Variants in ABHD2 observed in about 807,000 individuals in gnomAD.
ABHD2 encodes monoacylglycerol lipase ABHD2.
A neutral mutation model predicts 48.1 loss-of-function variants in ABHD2; 20 were observed. The observed-to-expected ratio is 0.42, with a 90% CI of 0.29 to 0.60. ABHD2 has a LOEUF of 0.60. Among genes scored for constraint, ABHD2 ranks in the 20% least tolerant of loss-of-function variants. ABHD2 has a pLI of 0.24. For missense variants in ABHD2, 405 were observed against 550.9 expected (o/e 0.74, Z 2.65); for synonymous variants, 209 against 214.2 (o/e 0.98, Z 0.21).
chr15:89,066,055 A>G, the ABHD2 span, among the ~76,000 whole-genome samples: 1 of 152,182 alleles, frequency 6.6e-6, no homozygotes, highest in Non-Finnish European at 1.5e-5. Context: ...AGGTGTGTGC[A>G]TCACTAAAAT....
chr15:89,050,949 T>C, the ABHD2 span, among the ~76,000 whole-genome samples: 1 of 151,116 alleles, frequency 6.6e-6, no homozygotes, highest in African/African-American at 2.4e-5. Flanking sequence ...AAAAAAAAAA[T>C]AGGCCAGGCA....
intron 1 of ABHD2, among the ~76,000 whole-genome samples, chr15:89,113,111 T>G (rs1057472252): frequency 6.6e-6 from 1 of 152,138 alleles, no homozygotes; most frequent in African/African-American, 2.4e-5. Flanking sequence ...TCAGCTCAGG[T>G]CCCCCATCTG....
chr15:89,174,524 A>T lies in ABHD2; in HGVS notation c.539-1288A>T, dbSNP rs2050979957. Among the ~76,000 whole-genome samples the T allele has an allele frequency of 6.6e-6, 1 of 152,180 alleles. No homozygotes were observed. The highest frequency in any genetic ancestry group is 2.4e-5 in the African/African-American group (1 of 41,450). ...TTAGGCTACATCCTACCACAAAAGA[A>T]GACAGATATAAGGGGAGTTTACCCC... On this transcript the variant is annotated intron_variant, in intron 5 of 10. Transcript: ENST00000352732. This position sits in a 1 kb window ranked among gnomAD's most constrained non-coding sequence, Gnocchi z 4.1.
the ABHD2 span, among the ~76,000 whole-genome samples, chr15:89,051,803 T>G: frequency 2.5e-4 from 38 of 152,308 alleles, 1 homozygote; most frequent in South Asian, 7.9e-3. Context: ...CAATTAAACC[T>G]CTTTCCTTTA....
chr15:89,158,174 C>T (rs2050705060), intron 5 of ABHD2, among the ~76,000 whole-genome samples: 1 of 152,154 alleles, frequency 6.6e-6, no homozygotes, highest in Non-Finnish European at 1.5e-5. Context: ...CATGTAGGCA[C>T]AATCTCTTTT....
In ABHD2 at chr15:89,165,772, A is replaced by G. The variant is rs1217305455; in HGVS notation, c.539-10040A>G. On this transcript the variant is annotated intron_variant, in intron 5 of 10. Transcript: ENST00000352732. ...TAATCGAGGCACTGCAGCAGTAGAC[A>G]TGTTGGCTTACTCTTTATTGACTTA... 2.0e-5 allele frequency among the ~76,000 whole-genome samples: 3 copies of G among 152,214 alleles called. No individual in the cohort carries two copies. The East Asian group carries it at 5.8e-4, about 29-fold the overall frequency.
In ABHD2 at chr15:89,186,808, G is replaced by T. The variant is rs1434630423; in HGVS notation, c.815+1292G>T. On this transcript the variant is annotated intron_variant, in intron 7 of 10. Coordinates refer to ENST00000352732, the MANE Select transcript of ABHD2 (RefSeq NM_152924.5). The surrounding 1 kb of genome is among the most constrained non-coding windows in gnomAD (Gnocchi z 4.3). ...ATTTCTTGTTCTCTTTTTTCCAGTG[G>T]CTAAAGCAGACCACACACCCCAGAT... Among the ~76,000 whole-genome samples, 1 of 152,144 alleles carries T rather than the reference G, an allele frequency of 6.6e-6. No individual in the cohort carries two copies. The highest frequency in any genetic ancestry group is 1.5e-5 in the Non-Finnish European group (1 of 68,026).
intron 1 of ABHD2, among the ~76,000 whole-genome samples, chr15:89,105,088 G>T (rs1234541789): frequency 6.6e-6 from 1 of 152,204 alleles, no homozygotes. Context: ...TGGATTCATG[G>T]TTTCTCAGTG....
intron 10 of ABHD2, among the ~76,000 whole-genome samples, chr15:89,193,924 A>C (rs1274847377): frequency 6.7e-6 from 1 of 150,304 alleles, no homozygotes; most frequent in African/African-American, 2.4e-5. Flanking sequence ...CCGTCTCAAA[A>C]AAAAAAAAAA....
the ABHD2 span, among the ~76,000 whole-genome samples, chr15:89,066,351 G>T: frequency 2.6e-5 from 4 of 152,080 alleles, no homozygotes; most frequent in Non-Finnish European, 5.9e-5. Flanking sequence ...CATCATTCCA[G>T]CATCTGCACT....
In ABHD2 at chr15:89,201,464, C is replaced by T; in HGVS notation, c.*6041C>T. ...TCCATTAATTCATGAGGTTTTGCCT[C>T]ATTCCACACAGCTTCCATATCTGAA... On this transcript the variant is annotated 3_prime_UTR_variant, in exon 11 of 11. Transcript: ENST00000352732. 2 of 1,494,724 alleles carry T rather than the reference C, an allele frequency of 1.3e-6. No individual in the cohort carries two copies. Among genetic ancestry groups the T allele is most frequent in the Non-Finnish European group, 1.9e-6 (2 of 1,080,394 alleles). The allele number at this position is 1,494,724 out of a possible 1,614,324, so 92.6% of individuals were successfully genotyped here.
At position 89,195,336 on chromosome 15, in the gene ABHD2, G is replaced by A; in HGVS notation, c.1191G>A (p.Val397=). 2 of 1,614,256 alleles carry A rather than the reference G, an allele frequency of 1.2e-6. No individual in the cohort carries two copies. The highest frequency in any genetic ancestry group is 1.7e-6 in the Non-Finnish European group (2 of 1,180,038). The change falls in exon 11 of 11, where the codon GTG becomes GTA. Residue 397 remains valine, a synonymous_variant. Coordinates refer to ENST00000352732, the MANE Select transcript of ABHD2 (RefSeq NM_152924.5). This position sits in a 1 kb window ranked among gnomAD's most constrained non-coding sequence, Gnocchi z 5.1. ...PEPLTWMDKL[V]VEYANAICQW... ...CCCTGACATGGATGGATAAGCTGGTGGTGGAGTACGCCAACGCCATTTGCC... is the reference window on the plus strand; with the variant it reads ...CCCTGACATGGATGGATAAGCTGGTAGTGGAGTACGCCAACGCCATTTGCC...
the ABHD2 span, among the ~76,000 whole-genome samples, chr15:89,079,323 T>C: frequency 6.6e-6 from 1 of 152,164 alleles, no homozygotes; most frequent in East Asian, 1.9e-4. This position sits in a 1 kb window ranked among gnomAD's most constrained non-coding sequence, Gnocchi z 4.3. Flanking sequence ...TCCTTTCCTC[T>C]CTAAAGTCCT....
intron 4 of ABHD2, among the ~76,000 whole-genome samples, chr15:89,153,672 T>C (rs2050627891): frequency 6.6e-6 from 1 of 152,220 alleles, no homozygotes; most frequent in Non-Finnish European, 1.5e-5. Flanking sequence ...ACAGCTCTTT[T>C]TCACCTTTTC....
At chr15:89,051,105 C>A in the ABHD2 span, among the ~76,000 whole-genome samples, 6 of 152,020 alleles carry the variant, frequency 3.9e-5, no homozygotes, top group African/African-American at 1.4e-4. Context: ...TGGTGGTGCG[C>A]GCCTGTAATC....
At chr15:89,107,827 G>A (rs947169777) in intron 1 of ABHD2, among the ~76,000 whole-genome samples, 5 of 152,146 alleles carry the variant, frequency 3.3e-5, no homozygotes, top group Non-Finnish European at 7.3e-5. Context: ...AAGTATCAAA[G>A]CTTGTTGTGC....
chr15:89,121,074 C>G (rs546837219), intron 3 of ABHD2, among the ~76,000 whole-genome samples: 1 of 152,210 alleles, frequency 6.6e-6, no homozygotes, highest in Non-Finnish European at 1.5e-5. Flanking sequence ...TTCTGTCATT[C>G]ATTCAAATTT....
intron 5 of ABHD2, among the ~76,000 whole-genome samples, chr15:89,171,005 A>G (rs750701444): frequency 1.3e-5 from 2 of 151,868 alleles, no homozygotes; most frequent in Non-Finnish European, 2.9e-5. Context: ...AATCCCAGCT[A>G]CTCACGAGGC....
At chr15:89,042,352 C>A in the ABHD2 span, among the ~76,000 whole-genome samples, 8 of 152,186 alleles carry the variant, frequency 5.3e-5, no homozygotes, top group Non-Finnish European at 1.2e-4. Flanking sequence ...CATCTTTTTA[C>A]CAGGTCAACA....
Sources: allele counts gnomAD v4.1 joint callset (sites outside exome capture counted in the v4.1 genomes callset), GRCh38; gene constraint gnomAD v4.1.1; non-coding constraint Gnocchi (gnomAD v3.1); transcripts MANE v1.5; gene names NCBI Gene and HGNC (gene_info 2026-07-23, HGNC 2026-07-21).